NAA38: variants seen among roughly 807,000 people sequenced by gnomAD.
NAA38 encodes the protein N-alpha-acetyltransferase 38, NatC auxiliary subunit.
NAA38 carries 15 observed loss-of-function variants against 12.6 expected under a neutral mutation model. The ratio of observed to expected loss-of-function variants is 1.19; its 90% confidence interval spans 0.79 to 1.83. The LOEUF (loss-of-function observed/expected upper bound fraction) is 1.83. Ranked by LOEUF, NAA38 falls within the 40% of genes most tolerant of loss-of-function variation. The pLI is 0.00. For missense variants in NAA38, 183 were observed against 171.7 expected, an observed-to-expected ratio of 1.07 and a Z score of -0.37; for synonymous variants, 88 against 69.9, an observed-to-expected ratio of 1.26 and a Z score of -1.29.
intron 2 of NAA38, among the ~76,000 whole-genome samples, chr17:7,867,392 G>A (rs562129950): frequency 3.9e-5 from 6 of 152,306 alleles, no homozygotes; most frequent in African/African-American, 1.2e-4. Flanking sequence ...AGGCTGGAGT[G>A]CAATGGCATG....
chr17:7,873,723 C>A (rs11078710), intron 2 of NAA38, among the ~76,000 whole-genome samples: 45,076 of 151,826 alleles, frequency 0.3, 7,866 homozygotes, highest in East Asian at 0.83. Context: ...GACAGGAGGA[C>A]AGGATAAAAG....
rs769454514 is a variant in NAA38 at position 7,857,160 on chromosome 17, G to A, written c.120C>T (p.Arg40=). ...DGEREDSAAE[R]ARQQLEALLN... ...GCAGCGCCTCTAGCTGCTGTCGGGC[G>A]CGCTCAGCCGCCGAGTCCTCGCGCT... is the stretch of plus-strand genomic sequence containing the variant. The change falls in exon 2 of 3, where the codon CGC becomes CGT. Residue 40 remains arginine (R), a synonymous_variant. Coordinates refer to ENST00000575771, the MANE Select transcript of NAA38 (RefSeq NM_001320925.4). 3.1e-6 allele frequency: 5 copies of A among 1,612,918 alleles called. No homozygotes were observed. The highest frequency in any genetic ancestry group is 1.1e-5 in the South Asian group (1 of 91,090).
chr17:7,866,640 G>T, intron 2 of NAA38: 1 of 646,028 alleles, frequency 1.5e-6, no homozygotes, highest in Non-Finnish European at 2.2e-6. Flanking sequence ...CCACTCTTCA[G>T]TTGGCCACCT....
upstream of NAA38, chr17:7,858,267 C>T: frequency 4.3e-6 from 7 of 1,614,042 alleles, no homozygotes; most frequent in African/African-American, 2.7e-5. Flanking sequence ...CGTGTACGAC[C>T]TAACGTCATT....
chr17:7,866,253 ATTTTTTTTT>A (rs56289148), intron 3 of NAA38, among the ~76,000 whole-genome samples: 35 of 90,590 alleles, frequency 3.9e-4, no homozygotes, highest in African/African-American at 1.2e-3. Context: ...AGCCCGGCTA[ATTTTTTTTT>A]TTTTTTTTTT....
At chr17:7,859,099 G>A (rs1441822108), upstream of NAA38, 4 of 571,536 alleles carry the variant, frequency 7.0e-6, no homozygotes, top group Non-Finnish European at 1.2e-5. Context: ...CTTACACGCC[G>A]TTTTGGACAG....
upstream of NAA38, chr17:7,859,466 G>A: frequency 6.2e-7 from 1 of 1,614,162 alleles, no homozygotes; most frequent in Non-Finnish European, 8.5e-7. Context: ...GTGGAAATAT[G>A]AAGGGAAGAA....
At chr17:7,880,666 T>G (rs186309202) in intron 2 of NAA38, among the ~76,000 whole-genome samples, 1 of 151,932 alleles carries the variant, frequency 6.6e-6, no homozygotes, top group East Asian at 1.9e-4. Context: ...CTACTCTGTG[T>G]GCATGTAAGC....
upstream of NAA38, chr17:7,859,227 G>A: frequency 3.1e-6 from 2 of 635,310 alleles, no homozygotes; most frequent in South Asian, 3.9e-5. Context: ...GGACTTTAGG[G>A]TCTGCTCATT....
chr17:7,882,270 T>C (rs1198935219), intron 2 of NAA38, among the ~76,000 whole-genome samples: 1 of 152,140 alleles, frequency 6.6e-6, no homozygotes, highest in Non-Finnish European at 1.5e-5. Context: ...GCGCACATGA[T>C]GCGCAGTGTG....
chr17:7,873,592 G>A (rs1278075994), intron 2 of NAA38, among the ~76,000 whole-genome samples: 1 of 152,180 alleles, frequency 6.6e-6, no homozygotes, highest in East Asian at 1.9e-4. Context: ...ATGTGACTGG[G>A]AAAGAGCAAG....
At chr17:7,858,886 C>T (rs2078859344), upstream of NAA38, 18 of 1,412,884 alleles carry the variant, frequency 1.3e-5, no homozygotes, top group East Asian at 4.8e-5. Flanking sequence ...ATCTCCAGGC[C>T]GATCTTCAGG....
chr17:7,869,907 T>C (rs767385829), intron 2 of NAA38, among the ~76,000 whole-genome samples: 1 of 152,208 alleles, frequency 6.6e-6, no homozygotes, highest in Non-Finnish European at 1.5e-5. Flanking sequence ...AAAGGATAGT[T>C]AATCAGCTGG....
intron 2 of NAA38, among the ~76,000 whole-genome samples, chr17:7,868,107 T>C (rs1374011452): frequency 2.0e-5 from 3 of 152,162 alleles, no homozygotes; most frequent in Non-Finnish European, 2.9e-5. Flanking sequence ...GTGGGAATTA[T>C]TGGCAGATAG....
At chr17:7,873,268 G>A (rs541952643) in intron 2 of NAA38, among the ~76,000 whole-genome samples, 1 of 152,312 alleles carries the variant, frequency 6.6e-6, no homozygotes, top group African/African-American at 2.4e-5. Context: ...CTGACAAGGA[G>A]GAGCCAGAGA....
chr17:7,871,526 G>A (rs1018560727), intron 2 of NAA38, among the ~76,000 whole-genome samples: 3 of 151,874 alleles, frequency 2.0e-5, no homozygotes, highest in African/African-American at 2.4e-5. Flanking sequence ...ACACTAGCTC[G>A]CTATCTTCCT....
chr17:7,878,969 C>T (rs956768962), intron 2 of NAA38, among the ~76,000 whole-genome samples: 1 of 150,710 alleles, frequency 6.6e-6, no homozygotes, highest in Non-Finnish European at 1.5e-5. Context: ...TAATTTATAA[C>T]ATAAAATATA....
upstream of NAA38, chr17:7,858,476 A>T: frequency 1.2e-6 from 2 of 1,614,184 alleles, no homozygotes; most frequent in South Asian, 2.2e-5. Context: ...CAAAGACCAG[A>T]GACGTGAGTT....
At chr17:7,867,273 T>A (rs1195915707) in intron 2 of NAA38, among the ~76,000 whole-genome samples, 5 of 152,040 alleles carry the variant, frequency 3.3e-5, no homozygotes, top group African/African-American at 1.2e-4. Flanking sequence ...TATTTTTTTT[T>A]AATTGAGACA....
Sources: allele counts gnomAD v4.1 joint callset (sites outside exome capture counted in the v4.1 genomes callset), GRCh38; gene constraint gnomAD v4.1.1; transcripts MANE v1.5; gene names NCBI Gene and HGNC (gene_info 2026-07-23, HGNC 2026-07-21).